The following SHISA6 variants were observed in gnomAD, a reference collection of about 807,000 sequenced individuals.
The protein encoded by SHISA6 is protein shisa-6.
SHISA6 carries 22 observed loss-of-function variants against 47.9 expected under a neutral mutation model. The observed-to-expected ratio is 0.46, with a 90% CI of 0.33 to 0.66. SHISA6 has a LOEUF of 0.66. Among genes scored for constraint, SHISA6 ranks in the 30% least tolerant of loss-of-function variants. The pLI is 0.02. For missense variants in SHISA6, 680 were observed against 764.6 expected (o/e 0.89, Z 1.30); for synonymous variants, 388 against 337.8 (o/e 1.15, Z -1.63).
chr17:11,284,361 T>G (rs529336026), intron 2 of SHISA6, among the ~76,000 whole-genome samples: 6 of 152,320 alleles, frequency 3.9e-5, no homozygotes, highest in African/African-American at 1.4e-4. Flanking sequence ...CAGGGTTGGC[T>G]TCCATCTTTA....
intron 2 of SHISA6, among the ~76,000 whole-genome samples, chr17:11,283,686 C>T (rs11655344): frequency 0.77 from 116,660 of 152,110 alleles, 45,348 homozygotes; most frequent in Non-Finnish European, 0.84. Context: ...TGTCATGTAA[C>T]GTTGCAGATG....
rs148752130 is a variant in SHISA6 at position 11,326,683 on chromosome 17, G to A, written c.800-52731G>A. ...GGACATTTCAGCACATGCACATTGA[G>A]GATGATGCAAAGTTTTTGTATCCAG... On this transcript the variant is annotated intron_variant, in intron 2 of 5. Transcript: ENST00000441885. Among the ~76,000 whole-genome samples, 706 of 152,330 alleles carry A rather than the reference G, an allele frequency of 4.6e-3. 4 individuals are homozygous for A. Among genetic ancestry groups the A allele is most frequent in the African/African-American group, 0.016 (671 of 41,566 alleles).
intron 2 of SHISA6, among the ~76,000 whole-genome samples, chr17:11,281,415 A>G (rs1187448651): frequency 6.6e-6 from 1 of 152,214 alleles, no homozygotes; most frequent in Non-Finnish European, 1.5e-5. Context: ...ATGATGATAC[A>G]GTTTTTCCTT....
chr17:11,477,313 G>A (rs374818303), intron 3 of SHISA6, among the ~76,000 whole-genome samples: 1 of 77,536 alleles, frequency 1.3e-5, no homozygotes, highest in African/African-American at 8.0e-5. Flanking sequence ...ACAGTTTTCT[G>A]TGTTGTTCTT....
At chr17:11,530,657 T>C (rs948194990) in intron 3 of SHISA6, among the ~76,000 whole-genome samples, 1 of 152,192 alleles carries the variant, frequency 6.6e-6, no homozygotes, top group Admixed American at 6.5e-5. Flanking sequence ...TGAAGGAATG[T>C]CTCAGAACAC....
intron 3 of SHISA6, among the ~76,000 whole-genome samples, chr17:11,535,497 C>T (rs1450228240): frequency 1.3e-5 from 2 of 152,172 alleles, no homozygotes; most frequent in Non-Finnish European, 2.9e-5. Context: ...GAGGCAGACT[C>T]CTTAGGGGGT....
intron 3 of SHISA6, among the ~76,000 whole-genome samples, chr17:11,490,991 T>TAAA (rs1916461194): frequency 1.4e-5 from 2 of 141,660 alleles, no homozygotes; most frequent in African/African-American, 5.1e-5. Flanking sequence ...TCTTGCCCAA[T>TAAA]CTCAGCCTCC....
intron 3 of SHISA6, among the ~76,000 whole-genome samples, chr17:11,414,956 C>T (rs951645199): frequency 6.6e-6 from 1 of 151,942 alleles, no homozygotes; most frequent in Non-Finnish European, 1.5e-5. Context: ...CGTGGTGGCA[C>T]ACGCCTGTAG....
At chr17:11,504,157 G>C (rs1242923939) in intron 3 of SHISA6, among the ~76,000 whole-genome samples, 1 of 152,178 alleles carries the variant, frequency 6.6e-6, no homozygotes, top group Non-Finnish European at 1.5e-5. Flanking sequence ...AGGCAGGTAA[G>C]AAAGTGCTTG....
intron 3 of SHISA6, among the ~76,000 whole-genome samples, chr17:11,533,598 T>TTG (rs1471940535): frequency 7.0e-6 from 1 of 142,826 alleles, no homozygotes. Flanking sequence ...TTTTTTTTTT[T>TTG]TTTTTTTTTT....
chr17:11,437,737 T>C (rs539730266), intron 3 of SHISA6, among the ~76,000 whole-genome samples: 3 of 152,218 alleles, frequency 2.0e-5, no homozygotes, highest in Non-Finnish European at 4.4e-5. Context: ...TGCCATGTGT[T>C]TCTCTGACTC....
intron 3 of SHISA6, among the ~76,000 whole-genome samples, chr17:11,498,662 CAATAAT>C (rs1025601805): frequency 3.5e-4 from 53 of 151,818 alleles, no homozygotes; most frequent in Non-Finnish European, 6.8e-4. Context: ...TATCAATAAA[CAATAAT>C]AATAAAAAGA....
chr17:11,396,315 G>A (rs1913570899), intron 3 of SHISA6, among the ~76,000 whole-genome samples: 1 of 152,144 alleles, frequency 6.6e-6, no homozygotes, highest in Non-Finnish European at 1.5e-5. Context: ...CAATATTCAT[G>A]AATGATACTG....
intron 3 of SHISA6, among the ~76,000 whole-genome samples, chr17:11,389,337 G>T (rs748431371): frequency 1.3e-5 from 2 of 152,204 alleles, no homozygotes; most frequent in African/African-American, 4.8e-5. Context: ...CTGCAAGGCT[G>T]CTTGCTTGCG....
chr17:11,241,562 C>A lies in SHISA6; in HGVS notation c.140C>A (p.Ala47Asp). 1.8e-6 allele frequency: 2 copies of A among 1,089,392 alleles called. No individual in the cohort carries two copies. Among genetic ancestry groups the A allele is most frequent in the Non-Finnish European group, 2.2e-6 (2 of 899,288 alleles). The allele number at this position is 1,089,392 out of a possible 1,614,324, so 67.5% of individuals were successfully genotyped here. Reference protein sequence around the residue: ...AGGAAVGGRRAGGALARGGRE... With the variant: ...AGGAAVGGRRDGGALARGGRE... ...GGCGCTGCCGTCGGGGGCCGGAGGG[C>A]CGGGGGCGCCCTGGCACGGGGCGGC... is the stretch of plus-strand genomic sequence containing the variant. Residue 47 changes from alanine to aspartate, a missense_variant, in exon 1 of 6, where the codon GCC becomes GAC. Physicochemically the swap from Ala to Asp is moderately radical, Grantham distance 126. Transcript: ENST00000441885. The surrounding 1 kb of genome is among the most constrained non-coding windows in gnomAD (Gnocchi z 5.5).
At chr17:11,555,953 TCA>T in intron 5 of SHISA6, 61 bp downstream of exon 5, 3 of 1,462,018 alleles carry the variant, frequency 2.1e-6, no homozygotes, top group Non-Finnish European at 2.7e-6. Flanking sequence ...TCTTCCTATG[TCA>T]CACTCTCTTG....
chr17:11,382,076 A>C (rs1913030271), intron 3 of SHISA6, among the ~76,000 whole-genome samples: 1 of 148,912 alleles, frequency 6.7e-6, no homozygotes, highest in Admixed American at 6.6e-5. Flanking sequence ...CGTTTTTTAG[A>C]GAGAGAGAGA....
chr17:11,401,160 G>C (rs1170902912), intron 3 of SHISA6, among the ~76,000 whole-genome samples: 1 of 152,068 alleles, frequency 6.6e-6, no homozygotes, highest in African/African-American at 2.4e-5. Context: ...CCTATACCTG[G>C]ACACTTGGCC....
intron 2 of SHISA6, among the ~76,000 whole-genome samples, chr17:11,277,276 T>TCACA (rs1244934721): frequency 4.3e-4 from 27 of 62,640 alleles, no homozygotes; most frequent in African/African-American, 7.9e-4. Context: ...TCTCTCTCTC[T>TCACA]CTCTCACACA....
Sources: allele counts gnomAD v4.1 joint callset (sites outside exome capture counted in the v4.1 genomes callset), GRCh38; gene constraint gnomAD v4.1.1; non-coding constraint Gnocchi (gnomAD v3.1); transcripts MANE v1.5; gene names NCBI Gene and HGNC (gene_info 2026-07-23, HGNC 2026-07-21).